The following ATF7 variants were observed in gnomAD, a reference collection of about 807,000 sequenced individuals.
ATF7 encodes the protein activating transcription factor 7.
A neutral mutation model predicts 50.4 loss-of-function variants in ATF7; 10 were observed. That is an observed-to-expected ratio of 0.20 (90% confidence interval 0.12 to 0.34). The LOEUF (loss-of-function observed/expected upper bound fraction) is 0.34, where lower values mean the gene tolerates loss of function less well. Among genes scored for constraint, ATF7 ranks in the 10% least tolerant of loss-of-function variants. The probability of loss-of-function intolerance (pLI) is 1.00; values close to 1 mark genes in which losing one functional copy is unlikely to be tolerated. For synonymous variants in ATF7, 201 were observed against 226.4 expected, an observed-to-expected ratio of 0.89 and a Z score of 1.01; for missense variants, 465 against 613.9, an observed-to-expected ratio of 0.76 and a Z score of 2.56.
chr12:53,521,585 C>G (rs1490205724), intron 11 of ATF7, among the ~76,000 whole-genome samples: 1 of 152,164 alleles, frequency 6.6e-6, no homozygotes, highest in Non-Finnish European at 1.5e-5. Flanking sequence ...TATTCAAAAG[C>G]CACCTAATCT....
At chr12:53,616,357 G>A (rs931022762) in intron 1 of ATF7, among the ~76,000 whole-genome samples, 1 of 151,938 alleles carries the variant, frequency 6.6e-6, no homozygotes, top group Admixed American at 6.6e-5. Context: ...CAAGTAGCTA[G>A]GACTAAAGGC....
intron 2 of ATF7, among the ~76,000 whole-genome samples, chr12:53,573,084 CAA>C (rs75993824): frequency 2.6e-4 from 18 of 68,310 alleles, no homozygotes; most frequent in Non-Finnish European, 3.0e-4. Context: ...TGTACCCGGC[CAA>C]AAAAAAAAAA....
At chr12:53,532,378 C>T (rs930875384) in intron 8 of ATF7, 132 bp downstream of exon 8, 2 of 670,090 alleles carry the variant, frequency 3.0e-6, no homozygotes, top group African/African-American at 3.6e-5. Context: ...CTTTTCCAGA[C>T]CCCACAGCAG....
intron 3 of ATF7, among the ~76,000 whole-genome samples, chr12:53,549,590 G>GT (rs971410732): frequency 4.7e-4 from 72 of 151,610 alleles, no homozygotes; most frequent in Non-Finnish European, 8.3e-4. Flanking sequence ...TTTTTTGTTT[G>GT]TTTTTTTGAG....
chr12:53,508,714 A>G (rs948947041), downstream of ATF7, among the ~76,000 whole-genome samples: 1 of 152,202 alleles, frequency 6.6e-6, no homozygotes, highest in African/African-American at 2.4e-5. Context: ...CACTCTCCAC[A>G]GCTGAAGCAC....
chr12:53,563,369 A>G (rs962262594), intron 2 of ATF7, among the ~76,000 whole-genome samples: 3 of 151,902 alleles, frequency 2.0e-5, no homozygotes, highest in Admixed American at 2.0e-4. Flanking sequence ...TAATCCCAGC[A>G]CTCTGGGAGG....
At position 53,531,751 on chromosome 12, in the gene ATF7, T is replaced by C. The variant is rs1448800795; in HGVS notation, c.920A>G (p.Gln307Arg). 2 of 1,610,842 alleles carry C rather than the reference T, an allele frequency of 1.2e-6. No individual in the cohort carries two copies. Among genetic ancestry groups the C allele is most frequent in the Admixed American group, 3.4e-5 (2 of 59,462 alleles). The change falls in exon 9 of 12, where the codon CAG becomes CGG. Residue 307 changes from glutamine to arginine, a missense_variant. Coordinates refer to ENST00000420353, the MANE Select transcript of ATF7 (RefSeq NM_006856.3). Reference protein sequence around the residue: ...IQHPDAPSPAQPQVSPAQPTP... With the variant: ...IQHPDAPSPARPQVSPAQPTP... ...AGAGTAAGAGCCACTGACCTGTGGCTGGGCAGGGGATGGGGCATCAGGGTG... is the reference window on the plus strand; with the variant it reads ...AGAGTAAGAGCCACTGACCTGTGGCCGGGCAGGGGATGGGGCATCAGGGTG...
chr12:53,579,990 G>C (rs12810098), intron 2 of ATF7, among the ~76,000 whole-genome samples: 65,715 of 151,794 alleles, frequency 0.43, 14,528 homozygotes, highest in East Asian at 0.73. Flanking sequence ...GGCTGGAGTG[G>C]CACGATCTCA....
At chr12:53,598,908 C>T (rs1413671060) in intron 2 of ATF7, among the ~76,000 whole-genome samples, 1 of 152,072 alleles carries the variant, frequency 6.6e-6, no homozygotes, top group African/African-American at 2.4e-5. Flanking sequence ...AAAAATAAAT[C>T]TTTTCACCAA....
At chr12:53,556,376 C>T (rs1940755267) in intron 2 of ATF7, among the ~76,000 whole-genome samples, 1 of 152,152 alleles carries the variant, frequency 6.6e-6, no homozygotes, top group Admixed American at 6.6e-5. Flanking sequence ...ATCGCTTGAG[C>T]GCAGGAGTTT....
intron 3 of ATF7, among the ~76,000 whole-genome samples, chr12:53,549,628 G>A (rs1459287324): frequency 6.6e-6 from 1 of 152,060 alleles, no homozygotes; most frequent in South Asian, 2.1e-4. Context: ...CACCCAGGTT[G>A]GAGTGCAGTG....
At chr12:53,529,704 T>TACACACACACACAC (rs1310811632) in intron 9 of ATF7, among the ~76,000 whole-genome samples, 6 of 73,366 alleles carry the variant, frequency 8.2e-5, no homozygotes, top group South Asian at 4.8e-4. Context: ...CATATATATA[T>TACACACACACACAC]ACACATACAC....
At chr12:53,546,184 C>T (rs1939891719) in intron 3 of ATF7, among the ~76,000 whole-genome samples, 1 of 151,858 alleles carries the variant, frequency 6.6e-6, no homozygotes, top group Admixed American at 6.6e-5. Flanking sequence ...AAGAATGAAA[C>T]TCCATCTCAA....
At chr12:53,550,323 C>CAAAAAA (rs72114384) in intron 3 of ATF7, among the ~76,000 whole-genome samples, 2 of 126,372 alleles carry the variant, frequency 1.6e-5, no homozygotes, top group African/African-American at 3.0e-5. Flanking sequence ...GACCCTGTCT[C>CAAAAAA]AAAAAAAAAA....
chr12:53,572,554 C>A (rs1021721120), intron 2 of ATF7, among the ~76,000 whole-genome samples: 2 of 152,132 alleles, frequency 1.3e-5, no homozygotes, highest in Admixed American at 1.3e-4. Context: ...ATTTCTTGTG[C>A]TTTTGGCGGG....
In ATF7 at chr12:53,551,515, G is replaced by T. The variant is rs181017251; in HGVS notation, c.145+1026C>A. Among the ~76,000 whole-genome samples the T allele has an allele frequency of 1.6e-3, 237 of 152,244 alleles. 1 individual carries two copies. Among genetic ancestry groups the T allele is most frequent in the African/African-American group, 4.8e-3 (199 of 41,552 alleles). On this transcript the variant is annotated intron_variant, in intron 3 of 11. Coordinates refer to ENST00000420353, the MANE Select transcript of ATF7 (RefSeq NM_006856.3). ...ACGACAATGTTCCCATTTATGTCTT[G>T]TTCCTAAGGATTACAAATCTACAAG...
chr12:53,582,752 G>T (rs1942496611), intron 2 of ATF7, among the ~76,000 whole-genome samples: 1 of 151,904 alleles, frequency 6.6e-6, no homozygotes, highest in Non-Finnish European at 1.5e-5. Context: ...CTAATTTTTT[G>T]TATTAGCCGG....
At chr12:53,585,399 G>A (rs1448145386) in intron 2 of ATF7, among the ~76,000 whole-genome samples, 4 of 152,108 alleles carry the variant, frequency 2.6e-5, no homozygotes, top group African/African-American at 9.7e-5. Context: ...TAGCATTGTG[G>A]TTCAGTATGT....
intron 9 of ATF7, among the ~76,000 whole-genome samples, chr12:53,525,668 C>T (rs1156625574): frequency 1.3e-5 from 2 of 151,986 alleles, no homozygotes; most frequent in Non-Finnish European, 2.9e-5. Context: ...ATGTTTAATC[C>T]CTTTACAAAT....
Sources: allele counts gnomAD v4.1 joint callset (sites outside exome capture counted in the v4.1 genomes callset), GRCh38; gene constraint gnomAD v4.1.1; transcripts MANE v1.5; gene names NCBI Gene and HGNC (gene_info 2026-07-23, HGNC 2026-07-21).